Variants in PDE1A observed in about 807,000 individuals in gnomAD.
The protein encoded by PDE1A is dual specificity calcium/calmodulin-dependent 3',5'-cyclic nucleotide phosphodiesterase 1A.
In PDE1A, 35 loss-of-function variants were observed where a neutral mutation model predicts 61.7. That is an observed-to-expected ratio of 0.57 (90% CI 0.43 to 0.75). The LOEUF (loss-of-function observed/expected upper bound fraction) is 0.75, where lower values mean the gene tolerates loss of function less well. PDE1A is among the 30% of genes least tolerant of loss of function. The pLI, the probability that PDE1A is intolerant of heterozygous loss-of-function variation, is 0.00. For missense variants in PDE1A, 597 were observed against 630.6 expected (o/e 0.95, Z 0.57); for synonymous variants, 232 against 213.2 (o/e 1.09, Z -0.77).
intron 8 of PDE1A, among the ~76,000 whole-genome samples, chr2:182,203,968 A>G (rs1013846624): frequency 4.6e-5 from 7 of 152,154 alleles, no homozygotes; most frequent in Non-Finnish European, 7.4e-5. Context: ...AAAACATTCA[A>G]TTAAAATGAC....
the PDE1A span, among the ~76,000 whole-genome samples, chr2:182,684,762 G>A: frequency 1.3e-5 from 2 of 152,112 alleles, no homozygotes; most frequent in African/African-American, 4.8e-5. Context: ...TGTTGGCCAG[G>A]CTGGTCTCGA....
At chr2:182,503,086 C>G (rs993019015) in intron 2 of PDE1A, among the ~76,000 whole-genome samples, 1 of 138,564 alleles carries the variant, frequency 7.2e-6, no homozygotes, top group East Asian at 2.2e-4. Flanking sequence ...CACACACACA[C>G]AGCATTGTGC....
the PDE1A span, among the ~76,000 whole-genome samples, chr2:182,663,737 G>C: frequency 6.6e-6 from 1 of 151,910 alleles, no homozygotes; most frequent in East Asian, 1.9e-4. Context: ...GGCTTAGTAC[G>C]TGAGTGACAA....
At chr2:182,410,455 T>A (rs1288817775) in intron 1 of PDE1A, among the ~76,000 whole-genome samples, 6 of 152,194 alleles carry the variant, frequency 3.9e-5, no homozygotes, top group Admixed American at 2.0e-4. Context: ...TATTTTAAAG[T>A]AAATATGCAT....
At chr2:182,598,770 C>T in the PDE1A span, among the ~76,000 whole-genome samples, 1 of 152,138 alleles carries the variant, frequency 6.6e-6, no homozygotes, top group Non-Finnish European at 1.5e-5. Flanking sequence ...TTTAACCATT[C>T]ACTTTATACT....
At chr2:182,393,827 A>C (rs1432701245) in intron 1 of PDE1A, among the ~76,000 whole-genome samples, 1 of 152,170 alleles carries the variant, frequency 6.6e-6, no homozygotes, top group East Asian at 1.9e-4. Context: ...CCTTTGCTCC[A>C]TTTCCCAACA....
chr2:182,259,444 TAATA>T (rs1291008680), intron 2 of PDE1A, among the ~76,000 whole-genome samples: 1 of 152,336 alleles, frequency 6.6e-6, no homozygotes, highest in African/African-American at 2.4e-5. Context: ...TACTCATACG[TAATA>T]AATAAGAATT....
chr2:182,668,457 C>A, the PDE1A span, among the ~76,000 whole-genome samples: 1 of 151,452 alleles, frequency 6.6e-6, no homozygotes, highest in Non-Finnish European at 1.5e-5. Context: ...CAAAAAAAAC[C>A]AATAGAGGCC....
chr2:182,508,596 A>C (rs552918654), intron 2 of PDE1A, among the ~76,000 whole-genome samples: 7 of 151,940 alleles, frequency 4.6e-5, no homozygotes, highest in Admixed American at 2.6e-4. Flanking sequence ...TGAATAACAG[A>C]ATACCTAAGG....
At chr2:182,531,003 C>T in the PDE1A span, among the ~76,000 whole-genome samples, 1 of 151,856 alleles carries the variant, frequency 6.6e-6, no homozygotes, top group African/African-American at 2.4e-5. Context: ...AGTAAAGGGA[C>T]ATAAATGAGG....
At chr2:182,376,300 T>C (rs191263156) in intron 1 of PDE1A, among the ~76,000 whole-genome samples, 1 of 152,324 alleles carries the variant, frequency 6.6e-6, no homozygotes, top group African/African-American at 2.4e-5. Flanking sequence ...CCAAGTCACC[T>C]CTTGAATGCT....
upstream of PDE1A, among the ~76,000 whole-genome samples, chr2:182,427,970 AG>A (rs1427869674): frequency 1.3e-5 from 2 of 152,200 alleles, no homozygotes; most frequent in African/African-American, 4.8e-5. Flanking sequence ...GTCACAAAGG[AG>A]GATACTATCT....
rs917474902 is a variant in PDE1A at position 182,316,578 on chromosome 2, G to T, written c.54-52164C>A. On this transcript the variant is annotated intron_variant, in intron 1 of 13. Coordinates refer to ENST00000351439, the Ensembl canonical transcript of PDE1A. ...AGTTTTGTTAATACCTAAAATATTT[G>T]TAAAAATATTGTTGGTGTCTTCATT... Among the ~76,000 whole-genome samples the T allele has an allele frequency of 3.3e-5, 5 of 152,088 alleles. No individual in the cohort carries two copies. The East Asian group carries it at 9.6e-4, about 29-fold the overall frequency.
exon 12 of PDE1A, chr2:182,186,588 C>A (rs1206902381): frequency 1.3e-6 from 2 of 1,593,182 alleles, no homozygotes; most frequent in Non-Finnish European, 1.7e-6. Context: ...ATCGATGAAA[C>A]CTACAAAAGC....
intron 7 of PDE1A, among the ~76,000 whole-genome samples, chr2:182,218,639 C>T (rs1688447990): frequency 6.6e-6 from 1 of 152,086 alleles, no homozygotes; most frequent in African/African-American, 2.4e-5. Context: ...AAGGTCCTCT[C>T]TATTCCTAGT....
intron 2 of PDE1A, among the ~76,000 whole-genome samples, chr2:182,473,028 T>C (rs1027295098): frequency 3.3e-5 from 5 of 151,674 alleles, no homozygotes; most frequent in Non-Finnish European, 7.4e-5. Flanking sequence ...TAGTTACATA[T>C]GTATACATGT....
chr2:182,346,377 C>T (rs1056346568), intron 1 of PDE1A, among the ~76,000 whole-genome samples: 5 of 152,038 alleles, frequency 3.3e-5, no homozygotes, highest in Non-Finnish European at 7.4e-5. Context: ...ACTAAAATTT[C>T]CATAAAAGAG....
At chr2:182,525,866 C>CA (rs1334047816), upstream of PDE1A, among the ~76,000 whole-genome samples, 1 of 152,004 alleles carries the variant, frequency 6.6e-6, no homozygotes, top group Non-Finnish European at 1.5e-5. Context: ...ATTCAGAAAG[C>CA]ATACCATTCA....
chr2:182,713,927 C>G, the PDE1A span, among the ~76,000 whole-genome samples: 2 of 152,210 alleles, frequency 1.3e-5, no homozygotes, highest in African/African-American at 4.8e-5. Context: ...TAACTTCCAG[C>G]CTTACCATCC....
Sources: gnomAD v4.1 joint callset for allele counts (sites outside exome capture counted in the v4.1 genomes callset) on GRCh38, gnomAD v4.1.1 for gene constraint, MANE v1.5 for transcripts, NCBI Gene and HGNC (gene_info 2026-07-23, HGNC 2026-07-21) for gene names.